ANK1: variants seen among roughly 807,000 people sequenced by gnomAD.
The protein encoded by ANK1 is ankyrin-1.
A neutral mutation model predicts 210.4 loss-of-function variants in ANK1; 51 were observed. The ratio of observed to expected loss-of-function variants is 0.24; its 90% confidence interval spans 0.19 to 0.31. ANK1 has a LOEUF of 0.31. ANK1 is among the 10% of genes least tolerant of loss of function. The pLI is 1.00. For synonymous variants in ANK1, 967 were observed against 1,025.9 expected, an observed-to-expected ratio of 0.94 and a Z score of 1.10; for missense variants, 2,051 against 2,504.4, an observed-to-expected ratio of 0.82 and a Z score of 3.86.
At chr8:41,719,139 G>A (rs993609845) in intron 10 of ANK1, among the ~76,000 whole-genome samples, 1 of 152,150 alleles carries the variant, frequency 6.6e-6, no homozygotes, top group Non-Finnish European at 1.5e-5. Flanking sequence ...GACTCCCTGG[G>A]AGCCCCTGTC....
chr8:41,734,738 A>T (rs868787318), intron 2 of ANK1, among the ~76,000 whole-genome samples: 1 of 151,900 alleles, frequency 6.6e-6, no homozygotes, highest in African/African-American at 2.4e-5. Flanking sequence ...CAAAAGAAAA[A>T]AAAAAGCCCA....
Position 41,672,568 on chromosome 8 carries a change from A to C in ANK1, c.4882T>G (p.Ser1628Ala). The change falls in exon 38 of 43, where the codon TCA becomes GCA. Residue 1628 changes from serine (S) to alanine (A), a missense_variant. Physicochemically the swap from Ser to Ala is moderately conservative, Grantham distance 99. This residue lies in a region of ANK1 where 496 missense variants were observed against 533.4 expected (regional missense o/e 0.93). Transcript: ENST00000289734. ...LELVEDDTVD[S>A]DATNGLIDLL... is the part of the protein sequence containing the mutation. ...TCGATAAGGCCATTTGTGGCATCTGAATCCACTGTGTCGTCCTCCACAAGT... is the reference window on the plus strand; with the variant it reads ...TCGATAAGGCCATTTGTGGCATCTGCATCCACTGTGTCGTCCTCCACAAGT... 6.2e-7 allele frequency: 1 copy of C among 1,614,196 alleles called. No homozygotes were observed.
intron 1 of ANK1, among the ~76,000 whole-genome samples, chr8:41,841,709 A>G (rs73675150): frequency 0.011 from 1,667 of 152,186 alleles, 44 homozygotes; most frequent in African/African-American, 0.037. Context: ...TTTTTTTTGT[A>G]TATCAATTAC....
At chr8:41,858,765 A>G (rs770697682) in intron 1 of ANK1, among the ~76,000 whole-genome samples, 40 of 152,244 alleles carry the variant, frequency 2.6e-4, no homozygotes, top group Non-Finnish European at 1.0e-4. Flanking sequence ...AACCAGCTTC[A>G]CAGTTTGTTG....
chr8:41,720,333 TTGAATGAA>T (rs950705408), intron 9 of ANK1, among the ~76,000 whole-genome samples: 1 of 152,168 alleles, frequency 6.6e-6, no homozygotes, highest in Non-Finnish European at 1.5e-5. Flanking sequence ...TTATGTGATT[TTGAATGAA>T]TGAATGAATG....
intron 3 of ANK1, among the ~76,000 whole-genome samples, chr8:41,728,518 A>G (rs1831285247): frequency 6.6e-6 from 1 of 152,108 alleles, no homozygotes; most frequent in Non-Finnish European, 1.5e-5. Flanking sequence ...TACACAATGT[A>G]TCCATGGAAC....
chr8:41,748,811 A>G lies in ANK1; in HGVS notation c.129+9225T>C, dbSNP rs186700548. ...AGCACTTTGGGAGGCTAAGGCGGGC[A>G]GATCACGAGGTCAGGAGATCAAGAC... is the stretch of plus-strand genomic sequence containing the variant. On this transcript the variant is annotated intron_variant, in intron 2 of 42. Coordinates refer to ENST00000289734, the MANE Select transcript of ANK1 (RefSeq NM_000037.4). Among the ~76,000 whole-genome samples the G allele has an allele frequency of 3.5e-3, 529 of 152,330 alleles. 5 individuals carry two copies. Among genetic ancestry groups the G allele is most frequent in the Middle Eastern group, 6.8e-3 (2 of 294 alleles).
At chr8:41,736,706 G>T (rs1444882719) in intron 2 of ANK1, among the ~76,000 whole-genome samples, 1 of 152,214 alleles carries the variant, frequency 6.6e-6, no homozygotes, top group African/African-American at 2.4e-5. Flanking sequence ...AGCCTGGAAA[G>T]AAATAGCTAA....
chr8:41,812,088 CTGA>C (rs1481456629), intron 1 of ANK1, among the ~76,000 whole-genome samples: 2 of 152,176 alleles, frequency 1.3e-5, no homozygotes, highest in Non-Finnish European at 2.9e-5. Flanking sequence ...TCCCTTGGGG[CTGA>C]TATTAATTCA....
intron 16 of ANK1, among the ~76,000 whole-genome samples, chr8:41,712,460 G>A (rs957102706): frequency 1.3e-5 from 2 of 152,226 alleles, no homozygotes; most frequent in Non-Finnish European, 2.9e-5. Flanking sequence ...AACACGGACT[G>A]CCCCTCTGAG....
chr8:41,695,519 C>T (rs1020771949), intron 26 of ANK1, among the ~76,000 whole-genome samples, 188 bp from the exon 27 acceptor site: 1 of 152,136 alleles, frequency 6.6e-6, no homozygotes, highest in Admixed American at 6.5e-5. Context: ...TTCCCATGGC[C>T]CCGCTTGCTC....
At chr8:41,762,878 T>A (rs560408584) in intron 1 of ANK1, among the ~76,000 whole-genome samples, 1 of 152,306 alleles carries the variant, frequency 6.6e-6, no homozygotes, top group South Asian at 2.1e-4. Flanking sequence ...TATCCACTAA[T>A]GACACTGACT....
Position 41,803,137 on chromosome 8 carries a change from A to AGGAAAGGAAAG in ANK1, c.127-45001_127-45000insCTTTCCTTTCC, listed in dbSNP as rs1210538591. On this transcript the variant is annotated intron_variant, in intron 1 of 42. Transcript: ENST00000265709. ...AGGAAAGGAAAGGAAAGGAAAGGAA[A>AGGAAAGGAAAG]GAAAGGAAAGAAAGAAAAGAAAAGA... is the stretch of plus-strand genomic sequence containing the variant. 1.3e-4 allele frequency among the ~76,000 whole-genome samples: 9 copies of AGGAAAGGAAAG among 70,952 alleles called. No individual in the cohort carries two copies. The South Asian group carries it at 2.2e-3, about 17-fold the overall frequency. The allele number at this position is 70,952 out of a possible 152,430, so 46.5% of individuals were successfully genotyped here.
chr8:41,772,698 C>A (rs1346481006), intron 1 of ANK1, among the ~76,000 whole-genome samples: 1 of 152,192 alleles, frequency 6.6e-6, no homozygotes, highest in Non-Finnish European at 1.5e-5. Flanking sequence ...TCAGTTGTGC[C>A]CCCACGCTCC....
intron 37 of ANK1, among the ~76,000 whole-genome samples, chr8:41,679,304 T>G (rs1685324): frequency 6.6e-6 from 1 of 152,174 alleles, no homozygotes; most frequent in South Asian, 2.1e-4. Flanking sequence ...TACTTGGAAG[T>G]AGTTTGATCC....
At chr8:41,655,876 C>G in intron 42 of ANK1, 123 bp from the exon 43 acceptor site, 1 of 1,151,304 alleles carries the variant, frequency 8.7e-7, no homozygotes, top group East Asian at 2.4e-5. Flanking sequence ...AAAGCAGTCT[C>G]CCCAGGCAGG....
At chr8:41,749,459 G>A (rs528224845) in intron 2 of ANK1, among the ~76,000 whole-genome samples, 8 of 151,942 alleles carry the variant, frequency 5.3e-5, no homozygotes, top group East Asian at 1.9e-4. Flanking sequence ...CACCATGCCC[G>A]ACTAATTTTT....
chr8:41,797,428 T>TG lies in ANK1; in HGVS notation c.27+83dup. 1 of 1,309,506 alleles carries TG rather than the reference T, an allele frequency of 7.6e-7. No homozygotes were observed. The highest frequency in any genetic ancestry group is 1.1e-6 in the Non-Finnish European group (1 of 925,622). 81.1% of individuals were successfully genotyped at this position (1,309,506 alleles called of 1,614,324 possible). A position where few individuals can be genotyped will look rare whatever the true frequency, so the allele number is the denominator to read the frequency against. On this transcript the variant is annotated intron_variant, in intron 1 of 42. Coordinates refer to ENST00000289734, the MANE Select transcript of ANK1 (RefSeq NM_000037.4). This position sits in a 1 kb window ranked among gnomAD's most constrained non-coding sequence, Gnocchi z 4.0. Reference sequence around the variant, plus strand: ...CGGGTGGGGTGTGCAAAGCTGCTCTTGCTCGCGTGCTGCCTACTGGCGCGG... The same window carrying TG: ...CGGGTGGGGTGTGCAAAGCTGCTCTTGGCTCGCGTGCTGCCTACTGGCGCGG...
chr8:41,848,442 G>A (rs374139799), intron 1 of ANK1, among the ~76,000 whole-genome samples: 2 of 152,204 alleles, frequency 1.3e-5, no homozygotes, highest in East Asian at 1.9e-4. Flanking sequence ...TCACGCCTGC[G>A]TGCAGCACCA....
Sources: gnomAD v4.1 joint callset for allele counts (sites outside exome capture counted in the v4.1 genomes callset) on GRCh38, gnomAD v4.1.1 for gene constraint, gnomAD v4.1.1 regional missense constraint, Gnocchi (gnomAD v3.1) non-coding constraint, MANE v1.5 for transcripts, NCBI Gene and HGNC (gene_info 2026-07-23, HGNC 2026-07-21) for gene names.